The following RELN variants were observed in gnomAD, a reference collection of about 807,000 sequenced individuals.
RELN encodes the protein reelin.
A neutral mutation model predicts 427.6 loss-of-function variants in RELN; 108 were observed. The observed-to-expected ratio is 0.25, with a 90% CI of 0.22 to 0.30. RELN has a LOEUF of 0.30. Among genes scored for constraint, RELN ranks in the 10% least tolerant of loss-of-function variants. The pLI is 1.00. For missense variants in RELN, 3,715 were observed against 4,302.8 expected, an observed-to-expected ratio of 0.86 and a Z score of 3.82; for synonymous variants, 1,524 against 1,513.4, an observed-to-expected ratio of 1.01 and a Z score of -0.16.
At chr7:103,537,219 AT>A (rs888315275) in intron 45 of RELN, among the ~76,000 whole-genome samples, 5 of 151,842 alleles carry the variant, frequency 3.3e-5, no homozygotes, top group Admixed American at 6.6e-5. Context: ...AGATCTGCTG[AT>A]TTTTTTTGCA....
At chr7:103,937,810 T>C (rs1796019867) in intron 1 of RELN, among the ~76,000 whole-genome samples, 1 of 152,152 alleles carries the variant, frequency 6.6e-6, no homozygotes, top group South Asian at 2.1e-4. Flanking sequence ...GAATTGCAGG[T>C]TAGCTGTTCG....
At chr7:103,984,144 C>A (rs1797048436) in intron 1 of RELN, among the ~76,000 whole-genome samples, 1 of 126,658 alleles carries the variant, frequency 7.9e-6, no homozygotes, top group African/African-American at 3.1e-5. Context: ...TTGACCAATT[C>A]CCAGGAGGTA....
chr7:103,815,365 T>C (rs1792845428), intron 3 of RELN, among the ~76,000 whole-genome samples: 3 of 152,210 alleles, frequency 2.0e-5, no homozygotes, highest in Admixed American at 1.3e-4. Flanking sequence ...ATGAGGCTTC[T>C]AAGACAAGTA....
In RELN at chr7:103,738,672, C is replaced by CTTTTT. The variant is rs57390524; in HGVS notation, c.657-10470_657-10466dup. 3.3e-4 allele frequency among the ~76,000 whole-genome samples: 23 copies of CTTTTT among 70,524 alleles called. 2 individuals carry two copies. The highest frequency in any genetic ancestry group is 7.2e-4 in the African/African-American group (11 of 15,322). 46.3% of individuals were successfully genotyped at this position (70,524 alleles called of 152,430 possible). A position where few individuals can be genotyped will look rare whatever the true frequency, so the allele number is the denominator to read the frequency against. On this transcript the variant is annotated intron_variant, in intron 6 of 64. Transcript: ENST00000428762. ...TCTGGCATCTTTCCTTCCTTCCTTC[C>CTTTTT]TTTTTTTTTTTTTTTTTTTTTTTTT...
At chr7:103,874,135 A>G (rs1373830841) in intron 2 of RELN, among the ~76,000 whole-genome samples, 11 of 141,192 alleles carry the variant, frequency 7.8e-5, no homozygotes, top group Non-Finnish European at 9.4e-5. Context: ...ATGCAGAAAA[A>G]GCCTTTGACA....
chr7:103,788,366 G>A (rs1036967874), intron 3 of RELN, among the ~76,000 whole-genome samples: 3 of 152,106 alleles, frequency 2.0e-5, no homozygotes, highest in Non-Finnish European at 4.4e-5. Context: ...AAGAAATAAA[G>A]GGTATTCAAT....
chr7:103,749,549 G>T, intron 5 of RELN, 45 bp from the exon 6 acceptor site: 1 of 1,373,018 alleles, frequency 7.3e-7, no homozygotes, highest in Non-Finnish European at 1.0e-6. Flanking sequence ...TACTACAACA[G>T]TACATTTAGC....
chr7:103,633,474 A>T (rs1203410227), intron 19 of RELN, among the ~76,000 whole-genome samples: 1 of 148,880 alleles, frequency 6.7e-6, no homozygotes, highest in Non-Finnish European at 1.5e-5. Context: ...GACAGAGATA[A>T]ATATATATAT....
At chr7:103,553,866 T>G (rs749615283) in intron 38 of RELN, 35 bp from the exon 39 acceptor site, 5 of 1,575,040 alleles carry the variant, frequency 3.2e-6, no homozygotes, top group South Asian at 1.1e-5. Flanking sequence ...GTTTTTCCAG[T>G]GATGAAAATC....
chr7:103,739,459 T>C (rs114224379), intron 6 of RELN, among the ~76,000 whole-genome samples: 14 of 152,192 alleles, frequency 9.2e-5, no homozygotes, highest in African/African-American at 2.2e-4. Context: ...TGCAGCCACA[T>C]TGAACACACT....
chr7:103,696,977 A>G (rs1470135622), intron 10 of RELN, among the ~76,000 whole-genome samples: 2 of 152,156 alleles, frequency 1.3e-5, no homozygotes, highest in Middle Eastern at 3.2e-3. Context: ...TGTGTTAGAC[A>G]ACTATTCTGA....
chr7:103,515,592 T>C, intron 49 of RELN, 151 bp from the exon 50 acceptor site: 1 of 921,766 alleles, frequency 1.1e-6, no homozygotes, highest in South Asian at 1.7e-5. Flanking sequence ...AAACCACGAT[T>C]AACTGGCTTA....
At chr7:103,837,488 C>T (rs751042331) in intron 2 of RELN, among the ~76,000 whole-genome samples, 2 of 152,232 alleles carry the variant, frequency 1.3e-5, no homozygotes, top group African/African-American at 2.4e-5. Context: ...AGGCCCCAGA[C>T]TTTTGCTCTC....
rs142121713 is a variant in RELN at position 103,787,748 on chromosome 7, C to G, written c.474-11121G>C. On this transcript the variant is annotated intron_variant, in intron 3 of 64. Coordinates refer to ENST00000428762, the MANE Select transcript of RELN (RefSeq NM_005045.4). ...AGATGGATTCACAGCCAAATTCTAC[C>G]AGAGGTATAAAGAGGAGCTGGTACC... Among the ~76,000 whole-genome samples, 157 of 152,238 alleles carry G rather than the reference C, an allele frequency of 1.0e-3. 1 individual carries two copies. The East Asian group carries it at 0.026, about 25-fold the overall frequency.
At chr7:103,682,546 C>A (rs1833678554) in intron 10 of RELN, among the ~76,000 whole-genome samples, 1 of 152,302 alleles carries the variant, frequency 6.6e-6, no homozygotes, top group Non-Finnish European at 1.5e-5. Flanking sequence ...AATAATTTCC[C>A]ATCTTTACCA....
At position 103,956,191 on chromosome 7, in the gene RELN, C is replaced by G. The variant is rs540564132; in HGVS notation, c.226+32940G>C. ...TAAAGTGCTACATCCCAGATGGTCA[C>G]TAGGGCACATTCAAAGGTTCAGTTG... On this transcript the variant is annotated intron_variant, in intron 1 of 64. Coordinates refer to ENST00000428762, the MANE Select transcript of RELN (RefSeq NM_005045.4). Among the ~76,000 whole-genome samples, 3 of 152,298 alleles carry G rather than the reference C, an allele frequency of 2.0e-5. No homozygotes were observed. The South Asian group carries it at 6.2e-4, about 32-fold the overall frequency.
chr7:103,891,463 C>T (rs1475482913), intron 2 of RELN, among the ~76,000 whole-genome samples: 1 of 152,092 alleles, frequency 6.6e-6, no homozygotes, highest in Non-Finnish European at 1.5e-5. Flanking sequence ...AGTATTCTCC[C>T]GTCTAGCATA....
intron 2 of RELN, among the ~76,000 whole-genome samples, chr7:103,854,344 GATTGA>G (rs1281013915): frequency 6.6e-6 from 1 of 152,138 alleles, no homozygotes; most frequent in Non-Finnish European, 1.5e-5. Context: ...TTAAAGTCAC[GATTGA>G]ATTACATTCT....
chr7:103,665,360 G>A (rs927098268), intron 11 of RELN, among the ~76,000 whole-genome samples: 88 of 142,180 alleles, frequency 6.2e-4, no homozygotes, highest in African/African-American at 2.2e-3. Flanking sequence ...GTGTGTGTGT[G>A]TGTATATATA....
Sources: gnomAD v4.1 joint callset for allele counts (sites outside exome capture counted in the v4.1 genomes callset) on GRCh38, gnomAD v4.1.1 for gene constraint, MANE v1.5 for transcripts, NCBI Gene and HGNC (gene_info 2026-07-23, HGNC 2026-07-21) for gene names.